The following MTERF4 variants were observed in gnomAD, a reference collection of about 807,000 sequenced individuals.
The protein encoded by MTERF4 is transcription termination factor 4, mitochondrial.
Under a neutral mutation model 22.5 loss-of-function variants are expected in MTERF4, and 17 were observed. The observed-to-expected ratio is 0.75, with a 90% CI of 0.52 to 1.13. The LOEUF (loss-of-function observed/expected upper bound fraction) is 1.13. MTERF4 is among the 50% of genes most tolerant of loss of function. The pLI is 0.00. For missense variants in MTERF4, 420 were observed against 466.8 expected (o/e 0.90, Z 0.92); for synonymous variants, 165 against 175.3 (o/e 0.94, Z 0.47).
intron 4 of MTERF4, among the ~76,000 whole-genome samples, chr2:241,081,259 A>T (rs570547725): frequency 6.6e-6 from 1 of 150,818 alleles, no homozygotes; most frequent in South Asian, 2.1e-4. Context: ...CATCCATTAG[A>T]GCACCAGGAG....
intron 2 of MTERF4, among the ~76,000 whole-genome samples, chr2:241,097,661 C>T (rs2064517808): frequency 6.6e-6 from 1 of 152,172 alleles, no homozygotes; most frequent in Non-Finnish European, 1.5e-5. Flanking sequence ...TATATTCCTG[C>T]TTTATTCTGG....
chr2:241,071,841 C>T (rs773697489), downstream of MTERF4: 8 of 1,604,742 alleles, frequency 5.0e-6, no homozygotes, highest in Admixed American at 1.7e-5. Context: ...GCGCCAGGTT[C>T]GGTGGCTCAC....
downstream of MTERF4, among the ~76,000 whole-genome samples, chr2:241,085,860 C>CTTTTTTTTTTTTT (rs772995766): frequency 2.5e-5 from 2 of 79,190 alleles, no homozygotes; most frequent in Admixed American, 1.5e-4. Context: ...TCTGCGGTTT[C>CTTTTTTTTTTTTT]TTTTTTTTTT....
At chr2:241,048,489 C>T in the MTERF4 span, 7 of 1,552,370 alleles carry the variant, frequency 4.5e-6, no homozygotes, top group Non-Finnish European at 6.1e-6. Flanking sequence ...GGCAGGAGAC[C>T]CAGGGAGGGC....
At chr2:241,046,519 G>A in the MTERF4 span, among the ~76,000 whole-genome samples, 1 of 152,164 alleles carries the variant, frequency 6.6e-6, no homozygotes, top group Admixed American at 6.5e-5. Context: ...GGATCTCAGG[G>A]GAATTATGCT....
downstream of MTERF4, chr2:241,090,220 T>C (rs1485885240): frequency 2.7e-6 from 4 of 1,484,474 alleles, no homozygotes; most frequent in Non-Finnish European, 2.7e-6. Flanking sequence ...AATTGTTTTT[T>C]ACTATTTAAC....
At chr2:241,088,354 AATT>A (rs1369845127), downstream of MTERF4, 1 of 1,602,392 alleles carries the variant, frequency 6.2e-7, no homozygotes, top group Non-Finnish European at 8.6e-7. Context: ...ACTTTTCTCT[AATT>A]ATTTCAGGAA....
chr2:241,060,069 T>C, the MTERF4 span, among the ~76,000 whole-genome samples: 10 of 152,240 alleles, frequency 6.6e-5, no homozygotes, highest in East Asian at 1.7e-3. Flanking sequence ...ATATAGAACC[T>C]GTTGTAGCAG....
chr2:241,094,219 C>G (rs2064234630), downstream of MTERF4: 1 of 440,900 alleles, frequency 2.3e-6, no homozygotes. The surrounding 1 kb of genome is among the most constrained non-coding windows in gnomAD (Gnocchi z 4.3). Context: ...TTTGCTGTGC[C>G]CACTGTCCTC....
downstream of MTERF4, chr2:241,069,003 C>T (rs1313090918): frequency 6.4e-6 from 10 of 1,552,320 alleles, no homozygotes; most frequent in Admixed American, 3.9e-5. This position sits in a 1 kb window ranked among gnomAD's most constrained non-coding sequence, Gnocchi z 4.9. Flanking sequence ...CTGGCCACCG[C>T]GCCGACGCAC....
chr2:241,087,811 C>CT, downstream of MTERF4: 1 of 738,896 alleles, frequency 1.4e-6, no homozygotes. Flanking sequence ...GCGCGTCGCT[C>CT]TTTACTTTTT....
downstream of MTERF4, among the ~76,000 whole-genome samples, chr2:241,090,834 T>A (rs1350610890): frequency 1.4e-5 from 2 of 145,586 alleles, no homozygotes; most frequent in African/African-American, 5.1e-5. Flanking sequence ...GCCACTATAC[T>A]ACAGCTTAGG....
At chr2:241,069,078 G>A, downstream of MTERF4, 1 of 1,281,944 alleles carries the variant, frequency 7.8e-7, no homozygotes, top group South Asian at 1.3e-5. This position sits in a 1 kb window ranked among gnomAD's most constrained non-coding sequence, Gnocchi z 4.9. Context: ...TAGAAGCTCT[G>A]GCTTCCTTCC....
At chr2:241,051,900 G>A in the MTERF4 span, 11 of 1,505,254 alleles carry the variant, frequency 7.3e-6, no homozygotes, top group Non-Finnish European at 7.2e-6. The surrounding 1 kb of genome is among the most constrained non-coding windows in gnomAD (Gnocchi z 4.7). Context: ...AGGAACGACG[G>A]GCCAGCCCTG....
chr2:241,049,354 T>C, the MTERF4 span, among the ~76,000 whole-genome samples: 1 of 152,192 alleles, frequency 6.6e-6, no homozygotes, highest in African/African-American at 2.4e-5. Context: ...AAAGCACTTC[T>C]GCAAGTATAC....
chr2:241,086,353 CCCT>C (rs889617140), downstream of MTERF4, among the ~76,000 whole-genome samples: 3 of 62,026 alleles, frequency 4.8e-5, no homozygotes, highest in Admixed American at 5.0e-4. Flanking sequence ...CTGCATAGTT[CCCT>C]CCTCTTCAGT....
the MTERF4 span, among the ~76,000 whole-genome samples, chr2:241,056,050 A>G: frequency 6.6e-6 from 1 of 152,340 alleles, no homozygotes; most frequent in South Asian, 2.1e-4. Flanking sequence ...AGAAGCAAGA[A>G]ATGATGACAC....
chr2:241,094,083 T>G (rs552269919), downstream of MTERF4: 26 of 330,898 alleles, frequency 7.9e-5, no homozygotes, highest in East Asian at 2.0e-3. The surrounding 1 kb of genome is among the most constrained non-coding windows in gnomAD (Gnocchi z 4.3). Context: ...GAAGAGAAAA[T>G]GAAAACACTG....
chr2:241,088,945 A>G, downstream of MTERF4: 1 of 221,912 alleles, frequency 4.5e-6, no homozygotes, highest in Admixed American at 5.6e-5. Context: ...CCGCCGCTAG[A>G]AAGTCGTCAC....
Sources: allele counts gnomAD v4.1 joint callset (sites outside exome capture counted in the v4.1 genomes callset), GRCh38; gene constraint gnomAD v4.1.1; non-coding constraint Gnocchi (gnomAD v3.1); transcripts MANE v1.5; gene names NCBI Gene and HGNC (gene_info 2026-07-23, HGNC 2026-07-21).